The following KCNMB2 variants were observed in gnomAD, a reference collection of about 807,000 sequenced individuals.
KCNMB2 encodes calcium-activated potassium channel subunit beta-2.
Under a neutral mutation model 24.5 loss-of-function variants are expected in KCNMB2, and 9 were observed. The ratio of observed to expected loss-of-function variants is 0.37; its 90% CI spans 0.22 to 0.64. The LOEUF is 0.64. KCNMB2 is among the 30% of genes least tolerant of loss of function. The probability of loss-of-function intolerance (pLI) is 0.63; values close to 1 mark genes in which losing one functional copy is unlikely to be tolerated. For missense variants in KCNMB2, 226 were observed against 284.3 expected, an observed-to-expected ratio of 0.79 and a Z score of 1.47; for synonymous variants, 109 against 104.4, an observed-to-expected ratio of 1.04 and a Z score of -0.27.
intron 1 of KCNMB2, among the ~76,000 whole-genome samples, chr3:178,787,683 T>G (rs1028347135): frequency 5.9e-5 from 9 of 152,138 alleles, no homozygotes; most frequent in Non-Finnish European, 1.2e-4. Context: ...TCTCTAAATT[T>G]TGTGTCATGA....
chr3:178,594,416 T>C (rs1399822192), intron 1 of KCNMB2, among the ~76,000 whole-genome samples: 3 of 152,088 alleles, frequency 2.0e-5, no homozygotes, highest in Non-Finnish European at 4.4e-5. Context: ...AGATTCTGGA[T>C]GTGTTTTGAA....
chr3:178,760,937 C>G (rs530101248), intron 1 of KCNMB2, among the ~76,000 whole-genome samples: 2 of 152,150 alleles, frequency 1.3e-5, no homozygotes, highest in Non-Finnish European at 2.9e-5. Flanking sequence ...TATCTAATAA[C>G]TTGATTTACT....
In KCNMB2 at chr3:178,844,051, T is replaced by C. The variant is rs1715522238; in HGVS notation, c.*1114T>C. 1 of 152,584 alleles carries C rather than the reference T, an allele frequency of 6.6e-6. No individual in the cohort carries two copies. Among genetic ancestry groups the C allele is most frequent in the Non-Finnish European group, 1.5e-5 (1 of 67,988 alleles). The allele number at this position is 152,584 out of a possible 1,614,324, so 9.5% of individuals were successfully genotyped here. A position where few individuals can be genotyped will look rare whatever the true frequency, so the allele number is the denominator to read the frequency against. On this transcript the variant is annotated 3_prime_UTR_variant, in exon 5 of 5. Transcript: ENST00000452583. ...CAGAATAGATCTTTTTTCTAACACA[T>C]ATTTGAACTGAATAACAGACTTAAA...
At chr3:178,842,608 A>G in intron 4 of KCNMB2, 45 bp from the exon 5 acceptor site, 1 of 1,337,774 alleles carries the variant, frequency 7.5e-7, no homozygotes, top group Non-Finnish European at 1.1e-6. Context: ...AGAGTCTCAA[A>G]CACACATAGT....
rs1011442585 is a variant in KCNMB2 at position 178,757,826 on chromosome 3, C to T, written c.-67-49517C>T. ...CCATCCAAGAGGATATATATATACACATCCATCCAAGAGGATATATATATC... is the reference window on the plus strand; with the variant it reads ...CCATCCAAGAGGATATATATATACATATCCATCCAAGAGGATATATATATC... On this transcript the variant is annotated intron_variant, in intron 1 of 4. Coordinates refer to ENST00000452583, the MANE Select transcript of KCNMB2 (RefSeq NM_181361.3). 7.6e-4 allele frequency among the ~76,000 whole-genome samples: 25 copies of T among 32,766 alleles called. 2 individuals are homozygous for T. The highest frequency in any genetic ancestry group is 2.8e-3 in the African/African-American group (10 of 3,554). The allele number at this position is 32,766 out of a possible 152,430, so 21.5% of individuals were successfully genotyped here. A position where few individuals can be genotyped will look rare whatever the true frequency, so the allele number is the denominator to read the frequency against.
intron 3 of KCNMB2, 114 bp from the exon 4 acceptor site, chr3:178,828,064 A>C: frequency 2.5e-6 from 2 of 795,164 alleles, no homozygotes; most frequent in Non-Finnish European, 4.1e-6. Flanking sequence ...AGATCATATT[A>C]GAGATTTAGA....
chr3:178,727,366 A>G (rs1458994873), intron 1 of KCNMB2, among the ~76,000 whole-genome samples: 1 of 151,946 alleles, frequency 6.6e-6, no homozygotes. Context: ...CTCTTTCTCC[A>G]CCGTGGTAGG....
intron 1 of KCNMB2, chr3:178,746,933 ACTTT>A (rs1226582846): frequency 6.6e-6 from 1 of 152,624 alleles, no homozygotes; most frequent in Non-Finnish European, 1.5e-5. Context: ...GAAGTTCCAA[ACTTT>A]CCCACATTTT....
chr3:178,758,345 GAT>G (rs1214797017), intron 1 of KCNMB2, among the ~76,000 whole-genome samples: 13 of 8,676 alleles, frequency 1.5e-3, no homozygotes, highest in East Asian at 9.0e-3. Flanking sequence ...TCCAAGAGGG[GAT>G]ATATATATAT....
At chr3:178,670,423 C>T (rs1577085647) in intron 1 of KCNMB2, among the ~76,000 whole-genome samples, 1 of 151,712 alleles carries the variant, frequency 6.6e-6, no homozygotes, top group Non-Finnish European at 1.5e-5. Flanking sequence ...CTGGGAGACT[C>T]TAGAATGTCT....
chr3:178,785,958 T>C (rs1713083535), intron 1 of KCNMB2, among the ~76,000 whole-genome samples: 2 of 152,042 alleles, frequency 1.3e-5, no homozygotes, highest in Admixed American at 6.6e-5. Flanking sequence ...GTATTAAGAC[T>C]CAGAAAAGTT....
At chr3:178,591,918 G>A (rs1461705230) in intron 1 of KCNMB2, among the ~76,000 whole-genome samples, 2 of 151,690 alleles carry the variant, frequency 1.3e-5, no homozygotes, top group African/African-American at 4.8e-5. Context: ...TTTTTTTTAG[G>A]GTTCTATATA....
chr3:178,671,052 A>G (rs372491326), intron 1 of KCNMB2, among the ~76,000 whole-genome samples: 2 of 152,112 alleles, frequency 1.3e-5, no homozygotes, highest in Non-Finnish European at 2.9e-5. Context: ...TCCTTCATTA[A>G]AAGATTAACT....
intron 1 of KCNMB2, among the ~76,000 whole-genome samples, chr3:178,607,813 T>C (rs1200771796): frequency 6.6e-6 from 1 of 152,180 alleles, no homozygotes; most frequent in Non-Finnish European, 1.5e-5. Context: ...ATCTTGTTAA[T>C]ACAGTCATTT....
At chr3:178,829,307 A>G (rs9855019) in intron 4 of KCNMB2, among the ~76,000 whole-genome samples, 98,167 of 151,974 alleles carry the variant, frequency 0.65, 33,595 homozygotes, top group African/African-American at 0.87. Flanking sequence ...TTTTCATTAA[A>G]TTGTCAGCAC....
chr3:178,613,158 G>A (rs1449385953), intron 1 of KCNMB2, among the ~76,000 whole-genome samples: 1 of 152,148 alleles, frequency 6.6e-6, no homozygotes, highest in Non-Finnish European at 1.5e-5. Context: ...GGCACTTTGG[G>A]TGGCCAAGGT....
chr3:178,574,058 T>C (rs1293379798), intron 1 of KCNMB2, among the ~76,000 whole-genome samples: 1 of 152,170 alleles, frequency 6.6e-6, no homozygotes, highest in Non-Finnish European at 1.5e-5. Context: ...TAATGTTAGA[T>C]TATTTTTTCC....
At chr3:178,709,048 A>G (rs1291899813) in intron 1 of KCNMB2, among the ~76,000 whole-genome samples, 3 of 152,222 alleles carry the variant, frequency 2.0e-5, no homozygotes, top group Non-Finnish European at 4.4e-5. Flanking sequence ...AAAAAATAGC[A>G]GTGTACTAGT....
chr3:178,756,305 C>T (rs1211303084), intron 1 of KCNMB2, among the ~76,000 whole-genome samples: 2 of 151,250 alleles, frequency 1.3e-5, no homozygotes, highest in Admixed American at 1.3e-4. Flanking sequence ...TATGGGCAGT[C>T]AATTCTCATT....
Sources: gnomAD v4.1 joint callset for allele counts (sites outside exome capture counted in the v4.1 genomes callset) on GRCh38, gnomAD v4.1.1 for gene constraint, MANE v1.5 for transcripts, NCBI Gene and HGNC (gene_info 2026-07-23, HGNC 2026-07-21) for gene names.